Variants in USP15 observed in about 807,000 individuals in gnomAD.
USP15 encodes ubiquitin carboxyl-terminal hydrolase 15.
A neutral mutation model predicts 127.1 loss-of-function variants in USP15; 18 were observed. The observed-to-expected ratio is 0.14, with a 90% CI of 0.10 to 0.21. The LOEUF is 0.21. USP15 is among the 10% of genes least tolerant of loss of function. The probability of loss-of-function intolerance (pLI) is 1.00; values close to 1 mark genes in which losing one functional copy is unlikely to be tolerated. For synonymous variants in USP15, 364 were observed against 393.7 expected (o/e 0.92, Z 0.89); for missense variants, 805 against 1,159.9 (o/e 0.69, Z 4.44).
At chr12:62,402,602 A>C (rs375447352) in intron 21 of USP15, among the ~76,000 whole-genome samples, 4 of 152,106 alleles carry the variant, frequency 2.6e-5, no homozygotes, top group Admixed American at 6.6e-5. Context: ...ACAAAGCGTG[A>C]CATTTTAAGG....
intron 19 of USP15, among the ~76,000 whole-genome samples, chr12:62,396,094 A>G (rs1014193830): frequency 1.3e-5 from 2 of 151,932 alleles, no homozygotes; most frequent in Admixed American, 6.6e-5. Context: ...TTAATATCTC[A>G]GAGGTACATG....
At position 62,294,248 on chromosome 12, in the gene USP15, C is replaced by T; in HGVS notation, c.159C>T (p.Tyr53=). 1 of 1,613,558 alleles carries T rather than the reference C, an allele frequency of 6.2e-7. No individual in the cohort carries two copies. The highest frequency in any genetic ancestry group is 8.5e-7 in the Non-Finnish European group (1 of 1,179,728). The stretch of plus-strand genomic sequence containing the variant: ...TTGGCTTTGACAGTTGGGACAAATA[C>T]CAGATGGGAGATCAAAATGTGTATC... ...KYVGFDSWDK[Y]QMGDQNVYPG... is the part of the protein sequence containing the mutation. The change falls in exon 2 of 22, where the codon TAC becomes TAT. Residue 53 remains tyrosine (Y), a synonymous_variant. Coordinates refer to ENST00000280377, the MANE Select transcript of USP15 (RefSeq NM_001252078.2).
intron 1 of USP15, among the ~76,000 whole-genome samples, chr12:62,261,662 C>T (rs868731191): frequency 6.6e-6 from 1 of 152,072 alleles, no homozygotes; most frequent in Non-Finnish European, 1.5e-5. Context: ...TATCTTGATT[C>T]GTTTTAATAT....
chr12:62,279,209 C>T (rs1425712370), intron 1 of USP15: 1 of 152,090 alleles, frequency 6.6e-6, no homozygotes, highest in East Asian at 1.9e-4. Context: ...GTTTCTATGA[C>T]TATGATGTTT....
At chr12:62,320,095 A>T (rs2064942902) in intron 4 of USP15, among the ~76,000 whole-genome samples, 1 of 152,130 alleles carries the variant, frequency 6.6e-6, no homozygotes, top group Admixed American at 6.6e-5. Context: ...AGAAAAAAAT[A>T]CAACCCTGCC....
intron 1 of USP15, among the ~76,000 whole-genome samples, chr12:62,264,712 G>A (rs141410359): frequency 2.6e-5 from 4 of 152,082 alleles, no homozygotes; most frequent in East Asian, 1.9e-4. Context: ...CCTTATGTTC[G>A]TGCAACTTTG....
intron 21 of USP15, among the ~76,000 whole-genome samples, chr12:62,402,303 G>C (rs1243057436): frequency 6.6e-6 from 1 of 151,946 alleles, no homozygotes; most frequent in African/African-American, 2.4e-5. Context: ...AAAGATAGCT[G>C]TCACTCAGTC....
Position 62,337,872 on chromosome 12 carries a change from A to C in USP15, c.684-11349A>C, listed in dbSNP as rs1050290207. Among the ~76,000 whole-genome samples the C allele has an allele frequency of 2.0e-5, 3 of 152,094 alleles. No homozygotes were observed. In the South Asian group the frequency reaches 6.2e-4, roughly 32 times the overall value. ...TATATGTGCCACATTTTCTTTATCC[A>C]GTCTATCAGGATGGAGATTTGGGTT... On this transcript the variant is annotated intron_variant, in intron 6 of 21. Coordinates refer to ENST00000280377, the MANE Select transcript of USP15 (RefSeq NM_001252078.2).
chr12:62,359,041 G>A lies in USP15; in HGVS notation c.915+3566G>A, dbSNP rs562417035. 2.0e-5 allele frequency among the ~76,000 whole-genome samples: 3 copies of A among 151,872 alleles called. No individual in the cohort carries two copies. The South Asian group carries it at 6.2e-4, about 32-fold the overall frequency. ...TGATTTTCAAACTCTTTGTATTTTA[G>A]CATCAAAACTTTTTTTTAAGTTACC... On this transcript the variant is annotated intron_variant, in intron 8 of 21. Coordinates refer to ENST00000280377, the MANE Select transcript of USP15 (RefSeq NM_001252078.2).
At chr12:62,393,004 G>C (rs2067371760) in intron 18 of USP15, 49 bp from the exon 19 acceptor site, 1 of 1,574,072 alleles carries the variant, frequency 6.4e-7, no homozygotes, top group South Asian at 1.2e-5. Flanking sequence ...TCATTAATGG[G>C]GGTTGTTTGT....
chr12:62,313,323 A>G (rs2064738680), intron 3 of USP15, among the ~76,000 whole-genome samples: 1 of 151,640 alleles, frequency 6.6e-6, no homozygotes, highest in African/African-American at 2.4e-5. Context: ...CCTATTTAGA[A>G]AGTATATACC....
At chr12:62,326,634 AT>A (rs2065135915) in intron 6 of USP15, among the ~76,000 whole-genome samples, 1 of 152,238 alleles carries the variant, frequency 6.6e-6, no homozygotes, top group Non-Finnish European at 1.5e-5. Flanking sequence ...AAATAGCATT[AT>A]ATCAGTTCAG....
chr12:62,331,317 T>C (rs796458845), intron 6 of USP15, among the ~76,000 whole-genome samples: 5 of 152,316 alleles, frequency 3.3e-5, no homozygotes, highest in African/African-American at 1.2e-4. Context: ...GAATTTCTTA[T>C]TATGTCTGGG....
At chr12:62,374,821 G>C (rs1438141124) in intron 8 of USP15, among the ~76,000 whole-genome samples, 1 of 152,060 alleles carries the variant, frequency 6.6e-6, no homozygotes, top group African/African-American at 2.4e-5. Context: ...AATAGAATTT[G>C]TGCATGTGTA....
At chr12:62,294,395 C>T in intron 2 of USP15, 89 bp downstream of exon 2, 1 of 1,444,444 alleles carries the variant, frequency 6.9e-7, no homozygotes, top group Non-Finnish European at 9.4e-7. Context: ...AATGTTAGCG[C>T]AAATAAGTTG....
At chr12:62,399,391 C>G (rs1454560621) in intron 20 of USP15, among the ~76,000 whole-genome samples, 2 of 152,154 alleles carry the variant, frequency 1.3e-5, no homozygotes, top group Non-Finnish European at 2.9e-5. Context: ...GGGGTACAGT[C>G]ATATTAGTTG....
chr12:62,312,670 A>G (rs1202481612), intron 3 of USP15, among the ~76,000 whole-genome samples: 1 of 151,644 alleles, frequency 6.6e-6, no homozygotes, highest in Non-Finnish European at 1.5e-5. Context: ...CTGAAACATA[A>G]CTATCACTTC....
intron 1 of USP15, among the ~76,000 whole-genome samples, chr12:62,263,829 C>A (rs1218085003): frequency 6.6e-6 from 1 of 152,068 alleles, no homozygotes; most frequent in Non-Finnish European, 1.5e-5. Flanking sequence ...AGAATTGTAT[C>A]GCTTAGGATG....
At chr12:62,266,600 A>G (rs1381025753) in intron 1 of USP15, among the ~76,000 whole-genome samples, 1 of 152,168 alleles carries the variant, frequency 6.6e-6, no homozygotes, top group Non-Finnish European at 1.5e-5. Context: ...TTCATTAATA[A>G]GTCATGATTA....
Sources: allele counts gnomAD v4.1 joint callset (sites outside exome capture counted in the v4.1 genomes callset), GRCh38; gene constraint gnomAD v4.1.1; transcripts MANE v1.5; gene names NCBI Gene and HGNC (gene_info 2026-07-23, HGNC 2026-07-21).